SDK1: variants seen among roughly 807,000 people sequenced by gnomAD.
SDK1 encodes the protein sidekick cell adhesion molecule 1.
SDK1 carries 157 observed loss-of-function variants against 245.5 expected under a neutral mutation model. The ratio of observed to expected loss-of-function variants is 0.64; its 90% CI spans 0.56 to 0.73. The LOEUF (loss-of-function observed/expected upper bound fraction) is 0.73, where lower values mean the gene tolerates loss of function less well. Among genes scored for constraint, SDK1 ranks in the 30% least tolerant of loss-of-function variants. The pLI is 0.00. For synonymous variants in SDK1, 1,647 were observed against 1,278.5 expected, an observed-to-expected ratio of 1.29 and a Z score of -6.15; for missense variants, 3,583 against 3,002.3, an observed-to-expected ratio of 1.19 and a Z score of -4.52.
intron 22 of SDK1, among the ~76,000 whole-genome samples, chr7:4,085,463 G>A (rs970034614): frequency 5.3e-5 from 8 of 152,024 alleles, no homozygotes; most frequent in Non-Finnish European, 7.4e-5. Context: ...TGGTTATCTC[G>A]ATACAGATTT....
In SDK1 at chr7:3,970,512, A is replaced by T. The variant is rs558784785; in HGVS notation, c.1715-954A>T. On this transcript the variant is annotated intron_variant, in intron 11 of 44. Transcript: ENST00000404826. ...TTAACCCATTTATGCCTGAGGTTGC[A>T]GTTTTTTGAACTTTTGTAATCAGAA... 3.9e-5 allele frequency among the ~76,000 whole-genome samples: 6 copies of T among 152,362 alleles called. No individual in the cohort carries two copies. In the South Asian group the frequency reaches 1.0e-3, roughly 26 times the overall value.
chr7:3,561,079 C>T (rs1002614026), intron 1 of SDK1, among the ~76,000 whole-genome samples: 7 of 152,132 alleles, frequency 4.6e-5, no homozygotes, highest in African/African-American at 1.7e-4. Context: ...CTTCCCTTCC[C>T]CCTTCCCCAC....
At chr7:3,894,342 C>T (rs2128102973) in intron 5 of SDK1, among the ~76,000 whole-genome samples, 1 of 152,130 alleles carries the variant, frequency 6.6e-6, no homozygotes, top group East Asian at 1.9e-4. Flanking sequence ...ACAACCTGAG[C>T]CAGGAGGTCT....
intron 1 of SDK1, among the ~76,000 whole-genome samples, chr7:3,458,694 T>G (rs1277693881): frequency 1.3e-5 from 2 of 152,176 alleles, no homozygotes; most frequent in African/African-American, 4.8e-5. Flanking sequence ...GTCTGTTTGA[T>G]GCAGCATCAT....
chr7:3,307,534 ATTGCTG>A (rs1562403260), intron 1 of SDK1, among the ~76,000 whole-genome samples: 1 of 151,958 alleles, frequency 6.6e-6, no homozygotes, highest in East Asian at 1.9e-4. Flanking sequence ...TTATGGGAGC[ATTGCTG>A]TAGGGAACCC....
intron 4 of SDK1, among the ~76,000 whole-genome samples, chr7:3,738,275 G>C (rs1779378055): frequency 6.6e-6 from 1 of 152,214 alleles, no homozygotes; most frequent in African/African-American, 2.4e-5. Context: ...TGGATGTGCA[G>C]TTTTCCCAAT....
At position 4,221,172 on chromosome 7, in the gene SDK1, C is replaced by G. The variant is rs1442698092; in HGVS notation, c.5702-67C>G. ...CCGGTCTGACCCCCCACTGTGAAAT[C>G]TCACGGGGTGGGATGTGAGCCCCGC... is the stretch of plus-strand genomic sequence containing the variant. On this transcript the variant is annotated intron_variant, in intron 39 of 44. Coordinates refer to ENST00000404826, the MANE Select transcript of SDK1 (RefSeq NM_152744.4). 34 of 1,588,262 alleles carry G rather than the reference C, an allele frequency of 2.1e-5. 1 individual carries two copies. In the South Asian group the frequency reaches 3.6e-4, roughly 17 times the overall value.
chr7:4,255,111 G>C (rs1177951614), intron 44 of SDK1, among the ~76,000 whole-genome samples: 1 of 152,194 alleles, frequency 6.6e-6, no homozygotes, highest in South Asian at 2.1e-4. Flanking sequence ...ACACTAAGAG[G>C]CCTCTTCTTA....
chr7:3,898,101 G>C (rs1303587873), intron 5 of SDK1, among the ~76,000 whole-genome samples: 1 of 152,226 alleles, frequency 6.6e-6, no homozygotes. Context: ...GGGGCAGAGA[G>C]AAGATGTGAA....
chr7:3,854,118 G>C (rs1780483150), intron 5 of SDK1, among the ~76,000 whole-genome samples: 1 of 152,078 alleles, frequency 6.6e-6, no homozygotes, highest in African/African-American at 2.4e-5. Context: ...ATAACTTCTA[G>C]AGACAGGATA....
chr7:3,660,686 G>A (rs1169612010), intron 4 of SDK1, among the ~76,000 whole-genome samples: 1 of 152,224 alleles, frequency 6.6e-6, no homozygotes, highest in Non-Finnish European at 1.5e-5. Context: ...AACAACCATA[G>A]CAGCACTAGC....
chr7:3,350,849 T>C (rs376308831), intron 1 of SDK1, among the ~76,000 whole-genome samples: 2 of 152,176 alleles, frequency 1.3e-5, no homozygotes, highest in East Asian at 1.9e-4. Flanking sequence ...AAAATAGTTT[T>C]TTCCCCCCAT....
At chr7:3,651,206 G>A (rs1288816233) in intron 4 of SDK1, among the ~76,000 whole-genome samples, 4 of 150,616 alleles carry the variant, frequency 2.7e-5, no homozygotes, top group Admixed American at 6.6e-5. Flanking sequence ...AGCAATGTAC[G>A]AATGATTGCG....
intron 1 of SDK1, among the ~76,000 whole-genome samples, chr7:3,370,592 A>G (rs1781203427): frequency 6.6e-6 from 1 of 152,182 alleles, no homozygotes; most frequent in Non-Finnish European, 1.5e-5. Context: ...CCGCTTCCAA[A>G]TTCTCGTTAA....
In SDK1 at chr7:3,538,334, C is replaced by T. The variant is rs1349668809; in HGVS notation, c.299-80746C>T. ...TGTGTTTCCACCTTTAAAAGAAAAT[C>T]CTGTGCTTTTTTTTTGTTTTTAAAT... On this transcript the variant is annotated intron_variant, in intron 1 of 44. Coordinates refer to ENST00000404826, the MANE Select transcript of SDK1 (RefSeq NM_152744.4). Among the ~76,000 whole-genome samples the T allele has an allele frequency of 2.0e-5, 3 of 152,142 alleles. No individual in the cohort carries two copies. The East Asian group carries it at 5.8e-4, about 29-fold the overall frequency.
intron 35 of SDK1, among the ~76,000 whole-genome samples, chr7:4,205,192 C>T (rs545006094): frequency 7.9e-5 from 12 of 152,310 alleles, no homozygotes; most frequent in African/African-American, 2.9e-4. Context: ...CAGCCATGTT[C>T]TCAAACATCG....
At chr7:3,678,742 T>C (rs1783996544) in intron 4 of SDK1, among the ~76,000 whole-genome samples, 1 of 152,220 alleles carries the variant, frequency 6.6e-6, no homozygotes, top group Non-Finnish European at 1.5e-5. Context: ...TACTTAACAC[T>C]ATGAAATTGT....
intron 14 of SDK1, among the ~76,000 whole-genome samples, chr7:3,988,841 G>C (rs951818050): frequency 6.6e-6 from 1 of 152,036 alleles, no homozygotes; most frequent in African/African-American, 2.4e-5. Flanking sequence ...GCATGATCTC[G>C]GCTCACTACA....
chr7:4,142,895 A>T (rs1779671733), intron 28 of SDK1, among the ~76,000 whole-genome samples: 1 of 152,236 alleles, frequency 6.6e-6, no homozygotes, highest in Admixed American at 6.5e-5. Context: ...TCCAAGATGA[A>T]CATCGATTAT....
Sources: gnomAD v4.1 joint callset for allele counts (sites outside exome capture counted in the v4.1 genomes callset) on GRCh38, gnomAD v4.1.1 for gene constraint, MANE v1.5 for transcripts, NCBI Gene and HGNC (gene_info 2026-07-23, HGNC 2026-07-21) for gene names.